NUP210L: variants seen among roughly 807,000 people sequenced by gnomAD.
NUP210L encodes nuclear pore membrane glycoprotein 210-like.
Under a neutral mutation model 208.5 loss-of-function variants are expected in NUP210L, and 74 were observed. That is an observed-to-expected ratio of 0.35 (90% CI 0.29 to 0.43). The LOEUF (loss-of-function observed/expected upper bound fraction) is 0.43, where lower values mean the gene tolerates loss of function less well. Ranked by LOEUF, NUP210L falls within the 20% of genes least tolerant of loss-of-function variation. The probability of loss-of-function intolerance (pLI) is 1.00; values close to 1 mark genes in which losing one functional copy is unlikely to be tolerated. For missense variants in NUP210L, 1,843 were observed against 2,289.4 expected (o/e 0.81, Z 3.98); for synonymous variants, 780 against 816.9 (o/e 0.95, Z 0.77).
chr1:154,019,789 G>T (rs971664334), intron 32 of NUP210L, among the ~76,000 whole-genome samples: 2 of 152,106 alleles, frequency 1.3e-5, no homozygotes, highest in Non-Finnish European at 2.9e-5. Flanking sequence ...AGCCAGGCGT[G>T]GTGGCGCATG....
intron 11 of NUP210L, 126 bp from the exon 12 acceptor site, chr1:154,118,006 C>T (rs1402454806): frequency 2.8e-6 from 2 of 708,922 alleles, no homozygotes; most frequent in African/African-American, 3.6e-5. Flanking sequence ...TATTTTTGGA[C>T]ACATTAGAAA....
intron 16 of NUP210L, among the ~76,000 whole-genome samples, chr1:154,076,319 G>T (rs1239227198): frequency 2.0e-5 from 3 of 150,486 alleles, no homozygotes; most frequent in Non-Finnish European, 4.4e-5. Flanking sequence ...GGCCAGGATG[G>T]TCTTGAACTC....
intron 9 of NUP210L, among the ~76,000 whole-genome samples, chr1:154,126,701 T>G (rs1351645840): frequency 6.6e-6 from 1 of 152,214 alleles, no homozygotes; most frequent in African/African-American, 2.4e-5. Flanking sequence ...TCAAAGCTTA[T>G]GCAAATTTTA....
intron 8 of NUP210L, among the ~76,000 whole-genome samples, chr1:154,128,356 C>T (rs775154895): frequency 2.0e-5 from 3 of 151,248 alleles, no homozygotes; most frequent in African/African-American, 7.3e-5. Context: ...CGTGGTGGCT[C>T]GCGGCTATAG....
intron 35 of NUP210L, among the ~76,000 whole-genome samples, chr1:154,002,393 T>C (rs143239481): frequency 6.6e-6 from 1 of 152,026 alleles, no homozygotes; most frequent in Non-Finnish European, 1.5e-5. Flanking sequence ...TTTTGTATTT[T>C]TTAGCTGAGG....
At position 154,114,507 on chromosome 1, in the gene NUP210L, C is replaced by G. The variant is rs576070152; in HGVS notation, c.1620+3218G>C. 4.6e-5 allele frequency among the ~76,000 whole-genome samples: 7 copies of G among 152,242 alleles called. No individual in the cohort carries two copies. The East Asian group carries it at 1.3e-3, about 29-fold the overall frequency. ...CCTAATCTTTCAGTTGAACTTCAGA[C>G]CCCTATTTCCAATTAAAAACATCCA... On this transcript the variant is annotated intron_variant, in intron 12 of 39. Coordinates refer to ENST00000368559, the Ensembl canonical transcript of NUP210L.
chr1:154,114,564 T>G (rs547298694), intron 12 of NUP210L, among the ~76,000 whole-genome samples: 5 of 152,276 alleles, frequency 3.3e-5, no homozygotes, highest in Non-Finnish European at 7.4e-5. Flanking sequence ...TTACGCTAAA[T>G]GTATCCAAAA....
At chr1:154,092,051 T>G (rs1655947298) in intron 15 of NUP210L, among the ~76,000 whole-genome samples, 1 of 149,600 alleles carries the variant, frequency 6.7e-6, no homozygotes, top group African/African-American at 2.5e-5. Flanking sequence ...GGGACTGGGG[T>G]GAAGCAGAAA....
At chr1:154,129,421 A>C in intron 7 of NUP210L, 76 bp from the exon 8 acceptor site, 2 of 889,210 alleles carry the variant, frequency 2.2e-6, no homozygotes, top group East Asian at 4.8e-5. Flanking sequence ...AAAAACAAAC[A>C]AACAAACAAA....
At chr1:154,079,398 A>G (rs1655196666) in intron 16 of NUP210L, 2 of 152,170 alleles carry the variant, frequency 1.3e-5, no homozygotes, top group African/African-American at 4.8e-5. Flanking sequence ...CTGGGACTAC[A>G]GGTGTCCGAC....
chr1:154,034,605 A>G (rs539640728), intron 27 of NUP210L, among the ~76,000 whole-genome samples: 1 of 152,308 alleles, frequency 6.6e-6, no homozygotes, highest in South Asian at 2.1e-4. Context: ...CTGGGATTAC[A>G]GGAGTGAGCC....
Position 153,994,969 on chromosome 1 carries a change from G to A in NUP210L, c.5491+107C>T, listed in dbSNP as rs369511268. 88 of 634,690 alleles carry A rather than the reference G, an allele frequency of 1.4e-4. 2 individuals carry two copies. The highest frequency in any genetic ancestry group is 8.7e-4 in the South Asian group (42 of 48,346). The allele number at this position is 634,690 out of a possible 1,614,324, so 39.3% of individuals were successfully genotyped here. Reference sequence around the variant, plus strand: ...AGAGGTTGCTGTAAGCCAAGATTGCGCCACTGCACTCCAGCGTGGGCGACA... The same window carrying A: ...AGAGGTTGCTGTAAGCCAAGATTGCACCACTGCACTCCAGCGTGGGCGACA... On this transcript the variant is annotated intron_variant, in intron 38 of 39. Coordinates refer to ENST00000368559, the Ensembl canonical transcript of NUP210L.
At chr1:154,152,838 G>C in exon 2 of NUP210L, 1 of 1,613,914 alleles carries the variant, frequency 6.2e-7, no homozygotes, top group East Asian at 2.2e-5. Context: ...TCATATAAAG[G>C]CTCAACAGTA....
At chr1:154,138,025 A>T in intron 6 of NUP210L, 81 bp downstream of exon 6, 1 of 973,074 alleles carries the variant, frequency 1.0e-6, no homozygotes, top group African/African-American at 1.7e-5. Context: ...TATTTTTCAT[A>T]TGTAATGTGG....
intron 1 of NUP210L, among the ~76,000 whole-genome samples, chr1:154,153,466 T>C (rs1359669937): frequency 1.3e-5 from 2 of 152,190 alleles, no homozygotes; most frequent in Non-Finnish European, 2.9e-5. Context: ...TCTGCCACTA[T>C]GCCCGACTAA....
chr1:154,013,013 A>AAAC, intron 33 of NUP210L, among the ~76,000 whole-genome samples: 1 of 149,462 alleles, frequency 6.7e-6, no homozygotes, highest in Non-Finnish European at 1.5e-5. Flanking sequence ...AATCAAAAAA[A>AAAC]AAAAAAAAAA....
chr1:154,055,179 CT>C (rs745826056), intron 23 of NUP210L, among the ~76,000 whole-genome samples: 19 of 103,904 alleles, frequency 1.8e-4, no homozygotes, highest in Admixed American at 8.0e-4. Flanking sequence ...TTCTTTCTTT[CT>C]TTCTTTCTTT....
Position 154,025,961 on chromosome 1 carries a change from G to A in NUP210L, c.3948-245C>T, listed in dbSNP as rs552980516. Among the ~76,000 whole-genome samples the A allele has an allele frequency of 3.3e-5, 5 of 152,092 alleles. No homozygotes were observed. The South Asian group carries it at 1.0e-3, about 32-fold the overall frequency. On this transcript the variant is annotated intron_variant, in intron 29 of 39. Transcript: ENST00000368559. ...ATTTAGGCCGGGTGTGGTGGCTCAT[G>A]TCTGTAATCCCAGCACTGTGGGAGG...
At chr1:154,117,106 T>C (rs1290787949) in intron 12 of NUP210L, among the ~76,000 whole-genome samples, 2 of 152,186 alleles carry the variant, frequency 1.3e-5, no homozygotes, top group Non-Finnish European at 2.9e-5. Context: ...GTATAATAAA[T>C]ACAGAATGCA....
Sources: gnomAD v4.1 joint callset for allele counts (sites outside exome capture counted in the v4.1 genomes callset) on GRCh38, gnomAD v4.1.1 for gene constraint, MANE v1.5 for transcripts, NCBI Gene and HGNC (gene_info 2026-07-23, HGNC 2026-07-21) for gene names.